The following RBFOX1 variants were observed in gnomAD, a reference collection of about 807,000 sequenced individuals.
RBFOX1 encodes the protein RNA binding protein fox-1 homolog 1.
RBFOX1 carries 8 observed loss-of-function variants against 57.7 expected under a neutral mutation model. The observed-to-expected ratio is 0.14, with a 90% CI of 0.08 to 0.25. The LOEUF (loss-of-function observed/expected upper bound fraction) is 0.25. Ranked by LOEUF, RBFOX1 falls within the 10% of genes least tolerant of loss-of-function variation. The pLI, the probability that RBFOX1 is intolerant of heterozygous loss-of-function variation, is 1.00. For missense variants in RBFOX1, 611 were observed against 548.5 expected (o/e 1.11, Z -1.14); for synonymous variants, 326 against 222.4 (o/e 1.47, Z -4.15).
intron 4 of RBFOX1, among the ~76,000 whole-genome samples, chr16:7,219,165 C>T (rs2092520611): frequency 6.6e-6 from 1 of 152,120 alleles, no homozygotes; most frequent in African/African-American, 2.4e-5. Flanking sequence ...AATTCACCCC[C>T]ATGAAAATGG....
chr16:7,552,883 A>G (rs1601650581), intron 5 of RBFOX1, among the ~76,000 whole-genome samples: 1 of 151,924 alleles, frequency 6.6e-6, no homozygotes, highest in Non-Finnish European at 1.5e-5. Flanking sequence ...GGGTTTCACC[A>G]TATTGGCCAG....
chr16:5,950,610 C>T (rs1469151767), intron 4 of RBFOX1, among the ~76,000 whole-genome samples: 1 of 152,154 alleles, frequency 6.6e-6, no homozygotes, highest in Non-Finnish European at 1.5e-5. Context: ...CTCAAATTGT[C>T]CGAAGTCTAA....
In RBFOX1 at chr16:6,719,867, C is replaced by T. The variant is rs531464319; in HGVS notation, c.-16+65217C>T. On this transcript the variant is annotated intron_variant, in intron 3 of 15. Coordinates refer to ENST00000550418, the MANE Select transcript of RBFOX1 (RefSeq NM_018723.4). ...CAGCACTTTGGGAAGCCTGGGCGGG[C>T]GGATCACCTGAGGTCAGGAGTTCGA... Among the ~76,000 whole-genome samples, 11 of 152,012 alleles carry T rather than the reference C, an allele frequency of 7.2e-5. No homozygotes were observed. The South Asian group carries it at 1.7e-3, about 23-fold the overall frequency.
At chr16:7,138,185 G>T (rs1262879618) in intron 4 of RBFOX1, among the ~76,000 whole-genome samples, 3 of 152,132 alleles carry the variant, frequency 2.0e-5, no homozygotes, top group African/African-American at 7.2e-5. Context: ...TGGGTGTGAG[G>T]ATCAGATGGG....
chr16:7,479,841 C>A (rs2063519880), intron 4 of RBFOX1, among the ~76,000 whole-genome samples: 1 of 152,124 alleles, frequency 6.6e-6, no homozygotes, highest in Non-Finnish European at 1.5e-5. Context: ...CCCAGAACAT[C>A]CCTCAATAAT....
intron 3 of RBFOX1, among the ~76,000 whole-genome samples, chr16:6,677,703 A>G (rs1271568285): frequency 1.3e-5 from 2 of 152,234 alleles, no homozygotes; most frequent in Non-Finnish European, 2.9e-5. Flanking sequence ...CATGTGAGCC[A>G]TGAAATCCTT....
intron 4 of RBFOX1, among the ~76,000 whole-genome samples, chr16:5,876,400 G>A (rs574371936): frequency 3.5e-4 from 54 of 152,158 alleles, no homozygotes; most frequent in Non-Finnish European, 5.1e-4. Context: ...TGTAATAGGA[G>A]GGAAGTTGAG....
chr16:5,815,888 G>T (rs12919715), intron 3 of RBFOX1, among the ~76,000 whole-genome samples: 2 of 151,962 alleles, frequency 1.3e-5, no homozygotes, highest in Non-Finnish European at 2.9e-5. Flanking sequence ...GGGGCTGGGG[G>T]CTGCGTTAGG....
At chr16:5,579,782 A>T (rs1352798063) in intron 2 of RBFOX1, among the ~76,000 whole-genome samples, 4 of 150,662 alleles carry the variant, frequency 2.7e-5, no homozygotes, top group African/African-American at 9.8e-5. Context: ...TTCCTTGAGA[A>T]GGAGTCTCGC....
chr16:6,028,991 G>C (rs1287594971), intron 1 of RBFOX1, among the ~76,000 whole-genome samples: 1 of 152,116 alleles, frequency 6.6e-6, no homozygotes, highest in East Asian at 1.9e-4. Flanking sequence ...CCATTTACTT[G>C]TCTATTAAAA....
Position 5,938,449 on chromosome 16 carries a change from G to T in RBFOX1, c.351+71114G>T, listed in dbSNP as rs188547034. On this transcript the variant is annotated intron_variant, in intron 4 of 19. Coordinates refer to the RBFOX1 transcript ENST00000641259. ...GGCTGCTGATGGTGATGGTCATGTT[G>T]CATAGCTACCATATTTAAAATAAAC... Among the ~76,000 whole-genome samples the T allele has an allele frequency of 4.0e-3, 612 of 152,212 alleles. 4 individuals carry two copies. Among genetic ancestry groups the T allele is most frequent in the Non-Finnish European group, 6.4e-3 (437 of 68,020 alleles).
intron 2 of RBFOX1, among the ~76,000 whole-genome samples, chr16:5,472,163 C>T (rs2069159143): frequency 6.6e-6 from 1 of 152,168 alleles, no homozygotes; most frequent in African/African-American, 2.4e-5. Flanking sequence ...CTAGCATCAC[C>T]AGGGAGCATA....
chr16:7,698,186 GTGTGTGTGTGTGT>G (rs2079420027), intron 14 of RBFOX1, among the ~76,000 whole-genome samples: 3 of 103,272 alleles, frequency 2.9e-5, no homozygotes, highest in African/African-American at 3.9e-5. Flanking sequence ...CCAAGAGGGT[GTGTGTGTGTGTGT>G]GTGTGTGTGT....
At chr16:6,712,381 A>G (rs1053384562) in intron 3 of RBFOX1, among the ~76,000 whole-genome samples, 11 of 152,134 alleles carry the variant, frequency 7.2e-5, no homozygotes, top group African/African-American at 2.4e-4. Context: ...CCTGGGCGTG[A>G]ACTAGATAAT....
intron 3 of RBFOX1, among the ~76,000 whole-genome samples, chr16:6,898,057 T>C (rs1294283287): frequency 6.6e-6 from 1 of 152,212 alleles, no homozygotes; most frequent in African/African-American, 2.4e-5. Flanking sequence ...GTTTATATAA[T>C]GCCTGATACT....
rs1229119180 is a variant in RBFOX1 at position 6,113,984 on chromosome 16, A to C, written c.-127+93992A>C. ...TAAATAGAGCAGGTTTCTGTCAAAG[A>C]GGTTTCACTTAGGACTAAGCATGAC... On this transcript the variant is annotated intron_variant, in intron 1 of 15. Coordinates refer to ENST00000550418, the MANE Select transcript of RBFOX1 (RefSeq NM_018723.4). 2.0e-5 allele frequency among the ~76,000 whole-genome samples: 3 copies of C among 152,182 alleles called. No individual in the cohort carries two copies. In the East Asian group the frequency reaches 5.8e-4, roughly 29 times the overall value.
chr16:7,263,236 G>A (rs779026414), intron 4 of RBFOX1, among the ~76,000 whole-genome samples: 9 of 152,152 alleles, frequency 5.9e-5, no homozygotes, highest in Non-Finnish European at 1.0e-4. Flanking sequence ...TCAGCACCAG[G>A]AAGGTACTAG....
At chr16:7,195,684 C>G (rs191480805) in intron 4 of RBFOX1, among the ~76,000 whole-genome samples, 1 of 152,252 alleles carries the variant, frequency 6.6e-6, no homozygotes, top group East Asian at 1.9e-4. Flanking sequence ...TCCCGAGTAG[C>G]TGGAACTACA....
chr16:6,256,363 G>A (rs73531447), intron 1 of RBFOX1, among the ~76,000 whole-genome samples: 8,573 of 147,740 alleles, frequency 0.058, 600 homozygotes, highest in African/African-American at 0.16. Context: ...AAGGGGAAGA[G>A]GTTGGGTAAG....
Sources: gnomAD v4.1 joint callset for allele counts (sites outside exome capture counted in the v4.1 genomes callset) on GRCh38, gnomAD v4.1.1 for gene constraint, MANE v1.5 for transcripts, NCBI Gene and HGNC (gene_info 2026-07-23, HGNC 2026-07-21) for gene names.